The following TRAPPC12 variants were observed in gnomAD, a reference collection of about 807,000 sequenced individuals.
TRAPPC12 encodes trafficking protein particle complex subunit 12, also known as TPR repeat protein 15.
Under a neutral mutation model 69.2 loss-of-function variants are expected in TRAPPC12, and 61 were observed. The observed-to-expected ratio is 0.88, with a 90% CI of 0.72 to 1.09. The LOEUF (loss-of-function observed/expected upper bound fraction) is 1.09, where lower values mean the gene tolerates loss of function less well. Among genes scored for constraint, TRAPPC12 ranks in the 50% least tolerant of loss-of-function variants. The pLI is 0.00. For missense variants in TRAPPC12, 1,101 were observed against 1,016.4 expected, an observed-to-expected ratio of 1.08 and a Z score of -1.13; for synonymous variants, 469 against 438.9, an observed-to-expected ratio of 1.07 and a Z score of -0.86.
At position 3,424,561 on chromosome 2, in the gene TRAPPC12, G is replaced by A. The variant is rs1662989066; in HGVS notation, c.1315G>A (p.Gly439Ser). The change falls in exon 5 of 12, where the codon GGC (glycine) becomes AGC (serine). Residue 439 changes from glycine (G) to serine (S), a missense_variant. By Grantham distance (56) the Gly-to-Ser change is moderately conservative. Transcript: ENST00000324266. ...CAGGCTGGCACTACTAGTGAAGTTG[G>A]GCCTTTTCCAGAATGCTGAGATGGA... ...FVRLALLVKLGLFQNAEMEFE... is the reference protein window; with the variant it reads ...FVRLALLVKLSLFQNAEMEFE... 6.2e-7 allele frequency: 1 copy of A among 1,613,354 alleles called. No homozygotes were observed. Among genetic ancestry groups the A allele is most frequent in the African/African-American group, 1.3e-5 (1 of 74,802 alleles).
chr2:3,399,505 G>T (rs1416067538), intron 2 of TRAPPC12, among the ~76,000 whole-genome samples: 1 of 152,178 alleles, frequency 6.6e-6, no homozygotes, highest in Non-Finnish European at 1.5e-5. Context: ...GCTGCCCCTA[G>T]GTCTTTTCCT....
At chr2:3,459,268 G>A (rs1012901423) in intron 7 of TRAPPC12, among the ~76,000 whole-genome samples, 1 of 152,234 alleles carries the variant, frequency 6.6e-6, no homozygotes, top group Admixed American at 6.5e-5. Flanking sequence ...AGTTGGAAGT[G>A]TGGACTTTTC....
intron 8 of TRAPPC12, among the ~76,000 whole-genome samples, chr2:3,463,546 G>A (rs934457575): frequency 5.3e-5 from 8 of 150,278 alleles, no homozygotes; most frequent in East Asian, 1.9e-4. Context: ...GCTTGGTTTC[G>A]TAAAAACCTG....
chr2:3,381,514 A>T (rs1660208848), intron 1 of TRAPPC12, among the ~76,000 whole-genome samples: 1 of 152,226 alleles, frequency 6.6e-6, no homozygotes, highest in Non-Finnish European at 1.5e-5. Context: ...CTGCACTGTG[A>T]TGTAAAGCTT....
chr2:3,465,039 C>T (rs1665730946), intron 8 of TRAPPC12, among the ~76,000 whole-genome samples: 1 of 152,230 alleles, frequency 6.6e-6, no homozygotes, highest in South Asian at 2.1e-4. Context: ...ATGCGTGCCG[C>T]ACGGAGCACA....
chr2:3,384,276 T>C (rs763305927), intron 1 of TRAPPC12, among the ~76,000 whole-genome samples: 2 of 152,232 alleles, frequency 1.3e-5, no homozygotes, highest in African/African-American at 2.4e-5. Flanking sequence ...GTTTGTATTT[T>C]TTTCTTTTCA....
intron 6 of TRAPPC12, among the ~76,000 whole-genome samples, chr2:3,447,995 C>T (rs1023663454): frequency 1.3e-5 from 2 of 152,236 alleles, no homozygotes; most frequent in Non-Finnish European, 2.9e-5. Flanking sequence ...CCAAACCACA[C>T]GCACACACAC....
In TRAPPC12 at chr2:3,479,325, A is replaced by G. The variant is rs745940454; in HGVS notation, c.2072A>G (p.Glu691Gly). The change falls in exon 12 of 12, where the codon GAG (glutamate) becomes GGG (glycine). Residue 691 changes from glutamate to glycine, a missense_variant. Transcript: ENST00000324266. ...CAGGACCCCAGGCACTACCTGCACG[A>G]GAGCGTGCTCTTCAACCTGACCACC... Reference protein sequence around the residue: ...VQQDPRHYLHESVLFNLTTMY... With the variant: ...VQQDPRHYLHGSVLFNLTTMY... The G allele has an allele frequency of 1.2e-6, 2 of 1,614,184 alleles. No individual in the cohort carries two copies. The highest frequency in any genetic ancestry group is 1.7e-6 in the Non-Finnish European group (2 of 1,180,032).
At chr2:3,472,180 A>C (rs563161498) in intron 9 of TRAPPC12, among the ~76,000 whole-genome samples, 1 of 152,292 alleles carries the variant, frequency 6.6e-6, no homozygotes, top group South Asian at 2.1e-4. Context: ...CCCAGAGAGC[A>C]GGAACCCAGG....
chr2:3,391,443 G>C (rs1241116125), intron 2 of TRAPPC12, among the ~76,000 whole-genome samples: 1 of 152,186 alleles, frequency 6.6e-6, no homozygotes, highest in Non-Finnish European at 1.5e-5. Context: ...ACATACTAGA[G>C]AAATGAAGCC....
intron 4 of TRAPPC12, among the ~76,000 whole-genome samples, chr2:3,423,535 TCTA>T (rs1662939167): frequency 7.7e-6 from 1 of 129,188 alleles, no homozygotes. Context: ...GCACCCGCCA[TCTA>T]CTCTGCTTCT....
intron 3 of TRAPPC12, among the ~76,000 whole-genome samples, chr2:3,409,005 C>T (rs563040548): frequency 1.9e-4 from 29 of 152,320 alleles, no homozygotes; most frequent in African/African-American, 6.3e-4. Flanking sequence ...GAGCCCTGCC[C>T]GGCCAGGGGC....
intron 6 of TRAPPC12, among the ~76,000 whole-genome samples, chr2:3,451,653 A>T (rs1045359743): frequency 6.6e-6 from 1 of 151,930 alleles, no homozygotes; most frequent in Non-Finnish European, 1.5e-5. Context: ...CCTCCTGAGT[A>T]GCTGGGACTA....
At chr2:3,382,475 G>A (rs1276493121) in intron 1 of TRAPPC12, among the ~76,000 whole-genome samples, 1 of 152,066 alleles carries the variant, frequency 6.6e-6, no homozygotes, top group Non-Finnish European at 1.5e-5. Flanking sequence ...ATTTTGATGT[G>A]TTATTTATGA....
chr2:3,435,846 G>C lies in TRAPPC12; in HGVS notation c.1418-7933G>C, dbSNP rs374612228. 1.2e-4 allele frequency among the ~76,000 whole-genome samples: 19 copies of C among 152,308 alleles called. No homozygotes were observed. The East Asian group carries it at 1.7e-3, about 14-fold the overall frequency. ...ATATGTAATGAATGCACTATATGTAGTACTAATTACCTGTTATAATGAAGG... is the reference window on the plus strand; with the variant it reads ...ATATGTAATGAATGCACTATATGTACTACTAATTACCTGTTATAATGAAGG... On this transcript the variant is annotated intron_variant, in intron 5 of 11. Transcript: ENST00000324266.
chr2:3,446,078 G>A (rs905137189), intron 6 of TRAPPC12, among the ~76,000 whole-genome samples: 6 of 152,242 alleles, frequency 3.9e-5, no homozygotes, highest in Admixed American at 2.0e-4. Flanking sequence ...CTGACTGGGC[G>A]TGGGGCCACC....
intron 3 of TRAPPC12, among the ~76,000 whole-genome samples, chr2:3,407,728 A>G (rs533067909): frequency 3.3e-5 from 5 of 152,096 alleles, no homozygotes; most frequent in South Asian, 4.1e-4. Context: ...TCTGGGAGGC[A>G]GAGCTTGCAG....
At chr2:3,445,267 C>G (rs1664445654) in intron 6 of TRAPPC12, among the ~76,000 whole-genome samples, 1 of 152,192 alleles carries the variant, frequency 6.6e-6, no homozygotes, top group East Asian at 1.9e-4. Context: ...TGCCTGTAAT[C>G]CCAGCTACTT....
intron 3 of TRAPPC12, among the ~76,000 whole-genome samples, chr2:3,413,655 G>C (rs1432273661): frequency 6.6e-6 from 1 of 152,094 alleles, no homozygotes; most frequent in African/African-American, 2.4e-5. Context: ...AGACGACAAG[G>C]ATGCATCTGA....
Sources: gnomAD v4.1 joint callset for allele counts (sites outside exome capture counted in the v4.1 genomes callset) on GRCh38, gnomAD v4.1.1 for gene constraint, MANE v1.5 for transcripts, NCBI Gene and HGNC (gene_info 2026-07-23, HGNC 2026-07-21) for gene names.